Variants in CCDC126 observed in about 807,000 individuals in gnomAD.
The protein encoded by CCDC126 is coiled-coil domain-containing protein 126.
CCDC126 carries 5 observed loss-of-function variants against 11.7 expected under a neutral mutation model. The ratio of observed to expected loss-of-function variants is 0.43; its 90% confidence interval spans 0.22 to 0.90. CCDC126 has a LOEUF of 0.90. Ranked by LOEUF, CCDC126 falls within the 40% of genes least tolerant of loss-of-function variation. The pLI is 0.27. For missense variants in CCDC126, 150 were observed against 163.1 expected (o/e 0.92, Z 0.44); for synonymous variants, 60 against 61.9 (o/e 0.97, Z 0.14).
chr7:23,607,076 G>C (rs1326461798), intron 2 of CCDC126, among the ~76,000 whole-genome samples: 1 of 152,150 alleles, frequency 6.6e-6, no homozygotes, highest in African/African-American at 2.4e-5. Context: ...TGCAAGCCGG[G>C]GCAACAGAGC....
intron 2 of CCDC126, among the ~76,000 whole-genome samples, chr7:23,601,636 T>C (rs1320974658): frequency 2.0e-5 from 3 of 152,244 alleles, no homozygotes; most frequent in African/African-American, 7.2e-5. Flanking sequence ...TAATTCTCTT[T>C]GTGCTTCATT....
chr7:23,635,112 A>C (rs2128021410), intron 3 of CCDC126, among the ~76,000 whole-genome samples: 1 of 152,352 alleles, frequency 6.6e-6, no homozygotes, highest in African/African-American at 2.4e-5. Context: ...AAGGAAGTTA[A>C]AGTAGAAACA....
At position 23,644,533 on chromosome 7, in the gene CCDC126, G is replaced by C. The variant is rs1473778828; in HGVS notation, c.*1418G>C. The C allele has an allele frequency of 6.6e-6, 1 of 152,460 alleles. No homozygotes were observed. Among genetic ancestry groups the C allele is most frequent in the Non-Finnish European group, 1.5e-5 (1 of 67,948 alleles). 9.4% of individuals were successfully genotyped at this position (152,460 alleles called of 1,614,324 possible). A position where few individuals can be genotyped will look rare whatever the true frequency, so the allele number is the denominator to read the frequency against. On this transcript the variant is annotated 3_prime_UTR_variant, in exon 4 of 4. Transcript: ENST00000307471. The stretch of plus-strand genomic sequence containing the variant: ...GTGAAATATTGTTTCATGAAAGACA[G>C]ATTTCCAAATCTCTCTTCTCTTCTC...
chr7:23,619,519 C>A, intron 3 of CCDC126: 1 of 326,322 alleles, frequency 3.1e-6, no homozygotes. Context: ...TAATGCACAG[C>A]TGGGCCCACC....
chr7:23,626,900 T>C (rs1202847486), intron 3 of CCDC126, among the ~76,000 whole-genome samples: 1 of 152,264 alleles, frequency 6.6e-6, no homozygotes, highest in East Asian at 1.9e-4. Flanking sequence ...GTGCTTTCTC[T>C]TTAATCTATA....
At chr7:23,628,035 TA>T (rs1783044210) in intron 3 of CCDC126, among the ~76,000 whole-genome samples, 1 of 152,144 alleles carries the variant, frequency 6.6e-6, no homozygotes, top group East Asian at 1.9e-4. Flanking sequence ...TAAAAATATA[TA>T]AATTATTGTA....
intron 3 of CCDC126, among the ~76,000 whole-genome samples, chr7:23,622,114 T>G (rs995430208): frequency 2.6e-5 from 4 of 152,210 alleles, no homozygotes; most frequent in Non-Finnish European, 5.9e-5. Flanking sequence ...TTAGGGAGGA[T>G]TCCCCCTTTT....
intron 3 of CCDC126, among the ~76,000 whole-genome samples, chr7:23,642,627 G>A (rs911786619): frequency 6.6e-6 from 1 of 151,934 alleles, no homozygotes; most frequent in African/African-American, 2.4e-5. Context: ...GCTGGGCGTG[G>A]TGGTGGGCGC....
At chr7:23,633,758 G>A (rs1216400837) in intron 3 of CCDC126, among the ~76,000 whole-genome samples, 1 of 152,164 alleles carries the variant, frequency 6.6e-6, no homozygotes. Flanking sequence ...GTAGGCTGAG[G>A]TGGGAGGACC....
intron 3 of CCDC126, among the ~76,000 whole-genome samples, chr7:23,628,741 A>G (rs1156671814): frequency 6.6e-6 from 1 of 152,144 alleles, no homozygotes; most frequent in African/African-American, 2.4e-5. Context: ...GGCAGTAACG[A>G]ACTGTTCATC....
chr7:23,611,501 G>C lies in CCDC126; in HGVS notation c.186G>C (p.Glu62Asp). 6.2e-7 allele frequency: 1 copy of C among 1,613,920 alleles called. No individual in the cohort carries two copies. The highest frequency in any genetic ancestry group is 1.7e-5 in the Admixed American group (1 of 60,010). ...AAAGATATGTTAAAGCTCTAGCAGA[G>C]GAAAATAAGAACACAGTGGATGTCG... ...LSKRYVKALA[E>D]ENKNTVDVEN... Residue 62 changes from glutamate (E) to aspartate (D), a missense_variant, in exon 3 of 4, where the codon GAG becomes GAC. Transcript: ENST00000307471.
At chr7:23,630,718 C>CA (rs775279967) in intron 3 of CCDC126, among the ~76,000 whole-genome samples, 1,849 of 25,548 alleles carry the variant, frequency 0.072, 375 homozygotes, top group African/African-American at 0.12. Context: ...GACCCTATCT[C>CA]AAAAAAAAAA....
chr7:23,629,483 G>T (rs191975062), intron 3 of CCDC126, among the ~76,000 whole-genome samples: 12 of 152,070 alleles, frequency 7.9e-5, no homozygotes, highest in Admixed American at 7.9e-4. Context: ...GCCTGAATAG[G>T]CTAAGACAAT....
At chr7:23,633,779 C>G (rs1350867271) in intron 3 of CCDC126, among the ~76,000 whole-genome samples, 1 of 151,808 alleles carries the variant, frequency 6.6e-6, no homozygotes. Flanking sequence ...TCCTGAGCCC[C>G]GAGGTCGAGG....
rs776593455 is a variant in CCDC126, at chr7:23,611,564, C to T, written c.238+11C>T. On this transcript the variant is annotated intron_variant, in intron 3 of 3. Transcript: ENST00000307471. ...CTATGGCAGGATATGGTAAGATAACCGTAGAATATTTCTAGTTTCCTCCAA... is the reference window on the plus strand; with the variant it reads ...CTATGGCAGGATATGGTAAGATAACTGTAGAATATTTCTAGTTTCCTCCAA... The T allele has an allele frequency of 8.4e-5, 131 of 1,555,828 alleles. No homozygotes were observed. Among genetic ancestry groups the T allele is most frequent in the East Asian group, 4.5e-4 (20 of 44,488 alleles).
At position 23,610,843 on chromosome 7, in the gene CCDC126, C is replaced by T. The variant is rs111545534; in HGVS notation, c.-145-328C>T. Among the ~76,000 whole-genome samples the T allele has an allele frequency of 1.8e-4, 28 of 151,690 alleles. 2 individuals are homozygous for T. Among genetic ancestry groups the T allele is most frequent in the African/African-American group, 4.6e-4 (19 of 41,332 alleles). On this transcript the variant is annotated intron_variant, in intron 2 of 3. Coordinates refer to ENST00000307471, the MANE Select transcript of CCDC126 (RefSeq NM_138771.4). ...CTTTTAGGCATTTAGGTTGGTGACA[C>T]GTATTTGAATAGACTGAGATCTCCT...
At chr7:23,620,246 G>A (rs1438898637) in intron 3 of CCDC126, among the ~76,000 whole-genome samples, 5 of 152,132 alleles carry the variant, frequency 3.3e-5, no homozygotes, top group Admixed American at 1.3e-4. Context: ...AGCACCTGTT[G>A]TTTCCTGACT....
intron 3 of CCDC126, among the ~76,000 whole-genome samples, chr7:23,627,024 C>A (rs892078123): frequency 3.9e-5 from 6 of 152,142 alleles, no homozygotes; most frequent in Admixed American, 3.9e-4. Context: ...TTGCCTAGAA[C>A]AATGAATTGG....
rs1782709783 is a variant in CCDC126, at chr7:23,611,462, A to G, written c.147A>G (p.Ile49Met). The change falls in exon 3 of 4, where the codon ATA becomes ATG. Residue 49 changes from isoleucine to methionine, a missense_variant. Ile to Met is a conservative substitution (Grantham distance 10, BLOSUM62 1). Transcript: ENST00000307471. ...HQSSVKLREQ[I>M]LDLSKRYVKA... The stretch of plus-strand genomic sequence containing the variant: ...GCAGTGTCAAGTTACGTGAGCAAAT[A>G]CTAGACTTAAGCAAAAGATATGTTA... 1 of 1,613,962 alleles carries G rather than the reference A, an allele frequency of 6.2e-7. No individual in the cohort carries two copies. The highest frequency in any genetic ancestry group is 8.5e-7 in the Non-Finnish European group (1 of 1,179,964).
Sources: gnomAD v4.1 joint callset for allele counts (sites outside exome capture counted in the v4.1 genomes callset) on GRCh38, gnomAD v4.1.1 for gene constraint, MANE v1.5 for transcripts, NCBI Gene and HGNC (gene_info 2026-07-23, HGNC 2026-07-21) for gene names.